Variants in NAALADL2 observed in about 807,000 individuals in gnomAD.
The protein encoded by NAALADL2 is N-acetylated alpha-linked acidic dipeptidase like 2, also known as inactive N-acetylated-alpha-linked acidic dipeptidase-like protein 2.
Under a neutral mutation model 87.2 loss-of-function variants are expected in NAALADL2, and 76 were observed. The ratio of observed to expected loss-of-function variants is 0.87; its 90% CI spans 0.72 to 1.05. NAALADL2 has a LOEUF of 1.05. Among genes scored for constraint, NAALADL2 ranks in the 50% least tolerant of loss-of-function variants. NAALADL2 has a pLI of 0.00. For missense variants in NAALADL2, 1,089 were observed against 945.8 expected (o/e 1.15, Z -1.99); for synonymous variants, 354 against 331.0 (o/e 1.07, Z -0.75).
chr3:174,522,933 CAAAAAAAA>C (rs57653560), intron 1 of NAALADL2, among the ~76,000 whole-genome samples: 1 of 75,838 alleles, frequency 1.3e-5, no homozygotes, highest in Non-Finnish European at 2.4e-5. Context: ...GACTCTGTCT[CAAAAAAAA>C]AAAAAAAAAA....
At chr3:175,492,408 A>G (rs1457990868) in intron 9 of NAALADL2, among the ~76,000 whole-genome samples, 1 of 152,182 alleles carries the variant, frequency 6.6e-6, no homozygotes, top group Non-Finnish European at 1.5e-5. Context: ...TCCTTAAAGT[A>G]TCTTAGAAAG....
At chr3:175,351,549 T>C (rs1238985071) in intron 5 of NAALADL2, among the ~76,000 whole-genome samples, 1 of 152,026 alleles carries the variant, frequency 6.6e-6, no homozygotes, top group Non-Finnish European at 1.5e-5. Flanking sequence ...TTTTGGACAA[T>C]AGAAGATAGA....
At chr3:175,091,562 C>A (rs1191979608) in intron 1 of NAALADL2, among the ~76,000 whole-genome samples, 1 of 151,966 alleles carries the variant, frequency 6.6e-6, no homozygotes, top group Non-Finnish European at 1.5e-5. Context: ...TCTGTACAAT[C>A]TTTTCTACTG....
At chr3:175,083,505 C>A (rs1225701577) in intron 1 of NAALADL2, among the ~76,000 whole-genome samples, 3 of 151,982 alleles carry the variant, frequency 2.0e-5, no homozygotes, top group African/African-American at 7.2e-5. Flanking sequence ...ATTTAGTTTT[C>A]ACCAAAAAAA....
At chr3:174,870,601 A>AC (rs1727712068) in intron 1 of NAALADL2, among the ~76,000 whole-genome samples, 2 of 151,700 alleles carry the variant, frequency 1.3e-5, no homozygotes, top group African/African-American at 4.9e-5. Flanking sequence ...ATAAAAAAAA[A>AC]ACACAATTAG....
Position 175,183,140 on chromosome 3 carries a change from A to G in NAALADL2, c.546-50791A>G, listed in dbSNP as rs148718363. Among the ~76,000 whole-genome samples, 326 of 152,136 alleles carry G rather than the reference A, an allele frequency of 2.1e-3. 4 individuals are homozygous for G. Among genetic ancestry groups the G allele is most frequent in the South Asian group, 6.8e-3 (33 of 4,828 alleles). Reference sequence around the variant, plus strand: ...GTGGATTGCTTTGGGTATTATGAACATTTTAACATTATCATTTCTTCCAAT... The same window carrying G: ...GTGGATTGCTTTGGGTATTATGAACGTTTTAACATTATCATTTCTTCCAAT... On this transcript the variant is annotated intron_variant, in intron 2 of 13. Transcript: ENST00000454872.
intron 1 of NAALADL2, among the ~76,000 whole-genome samples, chr3:174,515,096 G>T (rs1166649532): frequency 6.6e-6 from 1 of 152,134 alleles, no homozygotes; most frequent in Non-Finnish European, 1.5e-5. Context: ...TATCAGGAAG[G>T]AATCATGAGG....
chr3:175,686,392 T>C (rs1736298878), intron 11 of NAALADL2, among the ~76,000 whole-genome samples: 1 of 152,158 alleles, frequency 6.6e-6, no homozygotes, highest in Non-Finnish European at 1.5e-5. Flanking sequence ...GAAGTGTCTT[T>C]TTCAATTGGA....
At chr3:174,669,940 C>T (rs972959565) in intron 2 of NAALADL2, among the ~76,000 whole-genome samples, 4 of 151,878 alleles carry the variant, frequency 2.6e-5, no homozygotes, top group African/African-American at 9.7e-5. Context: ...TTTTAGGGTA[C>T]ATGTTCTTTG....
intron 5 of NAALADL2, among the ~76,000 whole-genome samples, chr3:175,366,090 T>C (rs1765526394): frequency 7.7e-6 from 1 of 129,686 alleles, no homozygotes; most frequent in Admixed American, 8.7e-5. Flanking sequence ...TTCCCATCTG[T>C]GAGTGAGAAC....
At chr3:175,497,310 A>C (rs1210430730) in intron 9 of NAALADL2, among the ~76,000 whole-genome samples, 3 of 152,200 alleles carry the variant, frequency 2.0e-5, no homozygotes, top group African/African-American at 7.2e-5. Flanking sequence ...AATCAGACAC[A>C]AAATAAATGT....
chr3:174,447,544 G>A (rs185681011), intron 1 of NAALADL2, among the ~76,000 whole-genome samples: 4 of 152,276 alleles, frequency 2.6e-5, no homozygotes, highest in African/African-American at 7.2e-5. Context: ...TTGGCCGGGC[G>A]AGGTGGCTAA....
At chr3:175,246,223 T>C (rs1747944395) in intron 3 of NAALADL2, among the ~76,000 whole-genome samples, 2 of 152,190 alleles carry the variant, frequency 1.3e-5, no homozygotes, top group Non-Finnish European at 2.9e-5. Flanking sequence ...CCACTTTAAT[T>C]TGAAGTAAAT....
intron 2 of NAALADL2, among the ~76,000 whole-genome samples, chr3:175,144,085 T>C (rs1031097127): frequency 6.6e-6 from 1 of 151,994 alleles, no homozygotes; most frequent in Non-Finnish European, 1.5e-5. Context: ...AAATATTCTA[T>C]GTTGGGGCTA....
chr3:175,000,495 G>T (rs1025757219), intron 1 of NAALADL2, among the ~76,000 whole-genome samples: 2 of 152,104 alleles, frequency 1.3e-5, no homozygotes, highest in Non-Finnish European at 2.9e-5. Flanking sequence ...AAGAATTAAC[G>T]TGGTGAAGCC....
chr3:175,417,371 ATAT>A (rs550305609), intron 5 of NAALADL2, among the ~76,000 whole-genome samples: 134 of 152,146 alleles, frequency 8.8e-4, no homozygotes, highest in African/African-American at 2.9e-3. Flanking sequence ...AGAAAAATTA[ATAT>A]TATAGTCAGT....
At chr3:175,500,842 C>T (rs980056485) in intron 9 of NAALADL2, among the ~76,000 whole-genome samples, 1 of 152,116 alleles carries the variant, frequency 6.6e-6, no homozygotes, top group African/African-American at 2.4e-5. Flanking sequence ...CTCATCAACA[C>T]TACATTTTGC....
In NAALADL2 at chr3:175,506,961, A is replaced by G. The variant is rs181115643; in HGVS notation, c.1653+35203A>G. Among the ~76,000 whole-genome samples, 207 of 152,244 alleles carry G rather than the reference A, an allele frequency of 1.4e-3. 1 individual carries two copies. The highest frequency in any genetic ancestry group is 2.2e-3 in the Non-Finnish European group (149 of 68,020). ...ACGGGACATGTCAGCCAGCTCTGTCATGAGTAGTCTGACAGTGATGAAACT... is the reference window on the plus strand; with the variant it reads ...ACGGGACATGTCAGCCAGCTCTGTCGTGAGTAGTCTGACAGTGATGAAACT... On this transcript the variant is annotated intron_variant, in intron 9 of 13. Coordinates refer to ENST00000454872, the MANE Select transcript of NAALADL2 (RefSeq NM_207015.3).
At chr3:174,914,453 G>A (rs1224533933) in intron 1 of NAALADL2, among the ~76,000 whole-genome samples, 3 of 152,100 alleles carry the variant, frequency 2.0e-5, no homozygotes, top group Non-Finnish European at 4.4e-5. Context: ...TTGGGAAGTC[G>A]ATAGATCTGA....
Sources: gnomAD v4.1 joint callset for allele counts (sites outside exome capture counted in the v4.1 genomes callset) on GRCh38, gnomAD v4.1.1 for gene constraint, MANE v1.5 for transcripts, NCBI Gene and HGNC (gene_info 2026-07-23, HGNC 2026-07-21) for gene names.